Variants in MBOAT1 observed in about 807,000 individuals in gnomAD.
MBOAT1 encodes membrane bound glycerophospholipid O-acyltransferase 1.
A neutral mutation model predicts 64.4 loss-of-function variants in MBOAT1; 67 were observed. That is an observed-to-expected ratio of 1.04 (90% CI 0.85 to 1.27). The LOEUF is 1.27. Among genes scored for constraint, MBOAT1 ranks in the 50% most tolerant of loss-of-function variants. The pLI, the probability that MBOAT1 is intolerant of heterozygous loss-of-function variation, is 0.00. For missense variants in MBOAT1, 563 were observed against 604.6 expected, an observed-to-expected ratio of 0.93 and a Z score of 0.72; for synonymous variants, 229 against 218.9, an observed-to-expected ratio of 1.05 and a Z score of -0.41.
At chr6:20,139,220 G>C (rs556652092) in intron 4 of MBOAT1, among the ~76,000 whole-genome samples, 1 of 152,238 alleles carries the variant, frequency 6.6e-6, no homozygotes, top group South Asian at 2.1e-4. Flanking sequence ...CCACCTCCTG[G>C]GTTCAGGCGA....
intron 1 of MBOAT1, among the ~76,000 whole-genome samples, chr6:20,179,946 A>G (rs1045473118): frequency 6.6e-6 from 1 of 152,060 alleles, no homozygotes; most frequent in Non-Finnish European, 1.5e-5. Context: ...TTTATTGACC[A>G]TATAATAGAA....
At chr6:20,147,182 T>C (rs1372286635) in intron 3 of MBOAT1, among the ~76,000 whole-genome samples, 1 of 152,238 alleles carries the variant, frequency 6.6e-6, no homozygotes, top group African/African-American at 2.4e-5. Context: ...ACTAAACTTC[T>C]TTTTGTATAT....
chr6:20,143,269 T>C (rs1257401086), intron 4 of MBOAT1, among the ~76,000 whole-genome samples: 1 of 152,226 alleles, frequency 6.6e-6, no homozygotes, highest in African/African-American at 2.4e-5. Context: ...CAACAGGGCA[T>C]AGAATTCTCA....
intron 1 of MBOAT1, among the ~76,000 whole-genome samples, chr6:20,168,507 G>GACAGAGACA (rs1398882520): frequency 9.0e-5 from 12 of 132,716 alleles, no homozygotes; most frequent in African/African-American, 3.3e-4. Context: ...GAGAGAGAGA[G>GACAGAGACA]GAGAGGAGAG....
Position 20,124,611 on chromosome 6 carries a change from G to A in MBOAT1, c.715-11C>T. On this transcript the variant is annotated splice_polypyrimidine_tract_variant and intron_variant, in intron 7 of 12. Transcript: ENST00000324607. Reference sequence around the variant, plus strand: ...GTGTATCACAGCTCCCTGAAAATGGGGAAAAATCAGTGTCACCGTGCAGAA... The same window carrying A: ...GTGTATCACAGCTCCCTGAAAATGGAGAAAAATCAGTGTCACCGTGCAGAA... The A allele has an allele frequency of 6.2e-7, 1 of 1,612,654 alleles. No individual in the cohort carries two copies. The highest frequency in any genetic ancestry group is 8.5e-7 in the Non-Finnish European group (1 of 1,179,354).
chr6:20,197,131 T>A lies in MBOAT1; in HGVS notation c.99+15005A>T, dbSNP rs535124604. On this transcript the variant is annotated intron_variant, in intron 1 of 12. Coordinates refer to ENST00000324607, the MANE Select transcript of MBOAT1 (RefSeq NM_001080480.3). ...TACTATCTTTACAAATTTTTTTTTT[T>A]AAATAGATGGGAGTCTCACTATGTT... is the stretch of plus-strand genomic sequence containing the variant. 9.3e-3 allele frequency among the ~76,000 whole-genome samples: 1,293 copies of A among 138,524 alleles called. 20 individuals are homozygous for A. The highest frequency in any genetic ancestry group is 0.032 in the African/African-American group (1,213 of 38,270). 90.9% of individuals were successfully genotyped at this position (138,524 alleles called of 152,430 possible). A position where few individuals can be genotyped will look rare whatever the true frequency, so the allele number is the denominator to read the frequency against.
At chr6:20,164,286 A>G (rs1012986934) in intron 1 of MBOAT1, among the ~76,000 whole-genome samples, 19 of 151,676 alleles carry the variant, frequency 1.3e-4, no homozygotes, top group Admixed American at 3.9e-4. Flanking sequence ...ACCTTCTTTC[A>G]GTCTGGTTCC....
intron 1 of MBOAT1, among the ~76,000 whole-genome samples, chr6:20,154,951 A>G (rs1387069966): frequency 6.6e-6 from 1 of 152,220 alleles, no homozygotes; most frequent in Non-Finnish European, 1.5e-5. Context: ...TGCATTCAAC[A>G]TCCAATGGCA....
At chr6:20,148,284 G>A (rs1209760807) in intron 3 of MBOAT1, among the ~76,000 whole-genome samples, 1 of 152,168 alleles carries the variant, frequency 6.6e-6, no homozygotes, top group African/African-American at 2.4e-5. Context: ...GAGTGTGGTG[G>A]TAGGTGCCTG....
At chr6:20,173,923 C>G (rs964827280) in intron 1 of MBOAT1, among the ~76,000 whole-genome samples, 1 of 152,150 alleles carries the variant, frequency 6.6e-6, no homozygotes, top group African/African-American at 2.4e-5. Context: ...GCACTCCAGC[C>G]TAGGCAACAG....
intron 9 of MBOAT1, among the ~76,000 whole-genome samples, chr6:20,116,364 C>T (rs998368279): frequency 5.3e-5 from 8 of 151,950 alleles, no homozygotes; most frequent in Non-Finnish European, 7.4e-5. Flanking sequence ...TAAAAATAAC[C>T]GTGATGCAAA....
intron 1 of MBOAT1, among the ~76,000 whole-genome samples, chr6:20,160,357 G>A (rs898142817): frequency 6.6e-6 from 1 of 152,090 alleles, no homozygotes; most frequent in Non-Finnish European, 1.5e-5. Context: ...AAATATTAAC[G>A]GTCCAAAAGT....
At chr6:20,107,018 A>G (rs1248820264) in intron 12 of MBOAT1, among the ~76,000 whole-genome samples, 1 of 152,190 alleles carries the variant, frequency 6.6e-6, no homozygotes, top group Non-Finnish European at 1.5e-5. Flanking sequence ...CAAATCACTT[A>G]TTGTGATCCC....
At chr6:20,183,658 T>C (rs1332844020) in intron 1 of MBOAT1, among the ~76,000 whole-genome samples, 4 of 152,244 alleles carry the variant, frequency 2.6e-5, no homozygotes, top group African/African-American at 9.6e-5. Context: ...TTAGCAAAGC[T>C]AAGAACAGTA....
intron 1 of MBOAT1, among the ~76,000 whole-genome samples, chr6:20,184,090 T>C (rs1026770799): frequency 6.6e-6 from 1 of 152,286 alleles, no homozygotes. Context: ...TGAGATTTGG[T>C]GGGGACACAG....
intron 12 of MBOAT1, among the ~76,000 whole-genome samples, chr6:20,102,906 C>G (rs1265407404): frequency 6.6e-6 from 1 of 152,152 alleles, no homozygotes; most frequent in East Asian, 1.9e-4. Flanking sequence ...TAGTGTAATG[C>G]ATTGTTCACA....
At chr6:20,141,359 C>CTTTTTTTTTTT (rs755615744) in intron 4 of MBOAT1, among the ~76,000 whole-genome samples, 14 of 99,788 alleles carry the variant, frequency 1.4e-4, no homozygotes, top group Admixed American at 3.5e-4. Context: ...TTTTCTTTTT[C>CTTTTTTTTTTT]TTTTTTTTTT....
intron 1 of MBOAT1, among the ~76,000 whole-genome samples, chr6:20,190,856 C>T (rs1762782645): frequency 6.6e-6 from 1 of 152,176 alleles, no homozygotes; most frequent in Non-Finnish European, 1.5e-5. Context: ...CTCTGCCTGA[C>T]CACCACCAGG....
At chr6:20,122,951 C>A (rs998794232) in intron 8 of MBOAT1, among the ~76,000 whole-genome samples, 1 of 151,946 alleles carries the variant, frequency 6.6e-6, no homozygotes, top group Non-Finnish European at 1.5e-5. Flanking sequence ...AATGCCTCAG[C>A]CTTCTGAGTA....
Sources: gnomAD v4.1 joint callset for allele counts (sites outside exome capture counted in the v4.1 genomes callset) on GRCh38, gnomAD v4.1.1 for gene constraint, MANE v1.5 for transcripts, NCBI Gene and HGNC (gene_info 2026-07-23, HGNC 2026-07-21) for gene names.